GRIA1: variants seen among roughly 807,000 people sequenced by gnomAD.
The protein encoded by GRIA1 is glutamate ionotropic receptor AMPA type subunit 1, also known as glutamate receptor 1.
GRIA1 carries 31 observed loss-of-function variants against 99.2 expected under a neutral mutation model. The observed-to-expected ratio is 0.31, with a 90% CI of 0.23 to 0.42. The LOEUF is 0.42. Among genes scored for constraint, GRIA1 ranks in the 10% least tolerant of loss-of-function variants. The probability of loss-of-function intolerance (pLI) is 1.00; values close to 1 mark genes in which losing one functional copy is unlikely to be tolerated. For synonymous variants in GRIA1, 438 were observed against 432.4 expected, an observed-to-expected ratio of 1.01 and a Z score of -0.16; for missense variants, 782 against 1,157.5, an observed-to-expected ratio of 0.68 and a Z score of 4.71.
chr5:153,778,804 A>G (rs1330379761), intron 13 of GRIA1, among the ~76,000 whole-genome samples: 1 of 152,154 alleles, frequency 6.6e-6, no homozygotes, highest in African/African-American at 2.4e-5. Flanking sequence ...CTCTATTTGA[A>G]TTCCCTAGGG....
intron 2 of GRIA1, among the ~76,000 whole-genome samples, chr5:153,538,155 C>T (rs1052389008): frequency 6.6e-6 from 1 of 152,088 alleles, no homozygotes; most frequent in Non-Finnish European, 1.5e-5. Context: ...AATATTTATA[C>T]ACAATAAAAG....
intron 2 of GRIA1, among the ~76,000 whole-genome samples, chr5:153,593,152 A>G (rs1764123423): frequency 6.6e-6 from 1 of 152,338 alleles, no homozygotes; most frequent in East Asian, 1.9e-4. Context: ...CCGTAGTCGC[A>G]GCCACTCGGG....
At chr5:153,538,088 T>C (rs189775068) in intron 2 of GRIA1, among the ~76,000 whole-genome samples, 54 of 152,240 alleles carry the variant, frequency 3.5e-4, no homozygotes, top group African/African-American at 1.3e-3. Flanking sequence ...TGGTGGAAGA[T>C]AAGAACCACA....
intron 2 of GRIA1, among the ~76,000 whole-genome samples, chr5:153,600,832 G>GA (rs1764887614): frequency 6.6e-6 from 1 of 152,210 alleles, no homozygotes; most frequent in Non-Finnish European, 1.5e-5. Flanking sequence ...AAAAGACCTG[G>GA]GAGGTGAAGC....
intron 11 of GRIA1, among the ~76,000 whole-genome samples, chr5:153,733,077 G>T (rs943456558): frequency 1.3e-5 from 2 of 151,418 alleles, no homozygotes; most frequent in African/African-American, 4.8e-5. Context: ...AAGGCTAAAA[G>T]ATAAAAGTAC....
At chr5:153,693,662 C>A (rs17523221) in intron 8 of GRIA1, among the ~76,000 whole-genome samples, 14,282 of 152,168 alleles carry the variant, frequency 0.094, 819 homozygotes, top group Non-Finnish European at 0.12. Context: ...ATGGAAAACA[C>A]GGAGATCAAA....
chr5:153,654,837 A>C (rs527703165), intron 4 of GRIA1, among the ~76,000 whole-genome samples: 6 of 152,312 alleles, frequency 3.9e-5, no homozygotes, highest in South Asian at 4.1e-4. Context: ...AAAAATAGGG[A>C]ATTAGATCTA....
chr5:153,752,681 C>T (rs1290540626), intron 11 of GRIA1, among the ~76,000 whole-genome samples: 1 of 152,146 alleles, frequency 6.6e-6, no homozygotes, highest in African/African-American at 2.4e-5. Flanking sequence ...GCAGTGTCTG[C>T]CATATAGGAA....
intron 13 of GRIA1, 92 bp from the exon 14 acceptor site, chr5:153,794,529 A>C: frequency 1.2e-6 from 1 of 826,932 alleles, no homozygotes; most frequent in South Asian, 1.4e-5. Flanking sequence ...CAGGCTGGGT[A>C]ATGGAGCTGA....
chr5:153,491,619 T>A (rs1412297351), intron 1 of GRIA1, among the ~76,000 whole-genome samples: 1 of 152,036 alleles, frequency 6.6e-6, no homozygotes, highest in Non-Finnish European at 1.5e-5. Flanking sequence ...ATCCTGGAAC[T>A]TCCTCGCCTG....
chr5:153,696,778 C>T (rs1758136036), intron 8 of GRIA1, among the ~76,000 whole-genome samples: 1 of 151,784 alleles, frequency 6.6e-6, no homozygotes, highest in Non-Finnish European at 1.5e-5. Flanking sequence ...GATCACAAAA[C>T]AAAACACAAT....
intron 14 of GRIA1, among the ~76,000 whole-genome samples, chr5:153,802,067 A>G (rs1163661640): frequency 6.6e-6 from 1 of 152,108 alleles, no homozygotes; most frequent in Non-Finnish European, 1.5e-5. Flanking sequence ...ATTTCTTGTG[A>G]TATCTCTCAC....
intron 2 of GRIA1, among the ~76,000 whole-genome samples, chr5:153,639,215 G>A (rs568722951): frequency 2.6e-5 from 4 of 152,292 alleles, no homozygotes; most frequent in African/African-American, 9.6e-5. Flanking sequence ...GGTCTTGTGA[G>A]ACCAGCTAGG....
chr5:153,749,528 G>GAGAA (rs1168272619), intron 11 of GRIA1, among the ~76,000 whole-genome samples: 2 of 152,158 alleles, frequency 1.3e-5, no homozygotes, highest in Non-Finnish European at 2.9e-5. Context: ...GAGAGAGAGG[G>GAGAA]AGAAAGAGAG....
intron 5 of GRIA1, among the ~76,000 whole-genome samples, chr5:153,669,546 T>A (rs1421300085): frequency 6.6e-6 from 1 of 152,164 alleles, no homozygotes; most frequent in Non-Finnish European, 1.5e-5. Flanking sequence ...TCCCCCACTT[T>A]CCAGTGACTA....
intron 2 of GRIA1, among the ~76,000 whole-genome samples, chr5:153,550,301 G>A (rs549059666): frequency 2.0e-5 from 3 of 152,194 alleles, no homozygotes; most frequent in South Asian, 4.1e-4. Context: ...AGATCAAGAA[G>A]TAGAGAGCTG....
At chr5:153,493,859 G>A in intron 1 of GRIA1, 69 bp from the exon 2 acceptor site, 1 of 1,498,328 alleles carries the variant, frequency 6.7e-7, no homozygotes, top group Non-Finnish European at 9.3e-7. Context: ...GGACTCATCT[G>A]GAGTGAGTCG....
At chr5:153,659,204 TC>T (rs1755181815) in intron 5 of GRIA1, among the ~76,000 whole-genome samples, 1 of 152,178 alleles carries the variant, frequency 6.6e-6, no homozygotes, top group Admixed American at 6.5e-5. Context: ...AATGGAAAAT[TC>T]TTACTTCACA....
intron 2 of GRIA1, among the ~76,000 whole-genome samples, chr5:153,582,995 A>G (rs368015507): frequency 1.3e-5 from 2 of 151,972 alleles, no homozygotes; most frequent in African/African-American, 2.4e-5. Context: ...ACGGGGTTTC[A>G]TCATGTTGCC....
Sources: gnomAD v4.1 joint callset for allele counts (sites outside exome capture counted in the v4.1 genomes callset) on GRCh38, gnomAD v4.1.1 for gene constraint, MANE v1.5 for transcripts, NCBI Gene and HGNC (gene_info 2026-07-23, HGNC 2026-07-21) for gene names.